Variants in C3orf52 observed in about 807,000 individuals in gnomAD.
C3orf52 encodes TPA-induced transmembrane protein.
Under a neutral mutation model 24.8 loss-of-function variants are expected in C3orf52, and 22 were observed. That is an observed-to-expected ratio of 0.89 (90% CI 0.63 to 1.27). C3orf52 has a LOEUF of 1.27. Among genes scored for constraint, C3orf52 ranks in the 50% most tolerant of loss-of-function variants. The pLI, the probability that C3orf52 is intolerant of heterozygous loss-of-function variation, is 0.00. For missense variants in C3orf52, 265 were observed against 260.7 expected, an observed-to-expected ratio of 1.02 and a Z score of -0.11; for synonymous variants, 93 against 100.2, an observed-to-expected ratio of 0.93 and a Z score of 0.43.
At chr3:112,098,066 G>T (rs777419496) in intron 2 of C3orf52, among the ~76,000 whole-genome samples, 1 of 152,164 alleles carries the variant, frequency 6.6e-6, no homozygotes, top group Non-Finnish European at 1.5e-5. Flanking sequence ...CTTCCATCAG[G>T]ATTCTTGCTA....
intron 5 of C3orf52, among the ~76,000 whole-genome samples, chr3:112,113,473 C>G (rs2107789467): frequency 6.6e-6 from 1 of 152,286 alleles, no homozygotes; most frequent in East Asian, 1.9e-4. Context: ...TACTTTACAA[C>G]ATGATTAGCA....
At chr3:112,110,390 C>T (rs1006565991) in intron 4 of C3orf52, among the ~76,000 whole-genome samples, 3 of 151,764 alleles carry the variant, frequency 2.0e-5, no homozygotes, top group African/African-American at 7.3e-5. Context: ...CAGGAAAAGT[C>T]TCCCTTCTGC....
chr3:112,086,440 C>T lies in C3orf52; in HGVS notation c.33C>T (p.Asp11=). The change falls in exon 1 of 6, where the codon GAC becomes GAT. Residue 11 remains aspartate, a synonymous_variant. Transcript: ENST00000264848. ...TGGCCCAACCCTCACAGCCAGTAGA[C>T]GAGCTGGAGCTCTCGGTGCTCGAGC... MDLAQPSQPV[D]ELELSVLERQ... is the part of the protein sequence containing the mutation. The T allele has an allele frequency of 1.3e-6, 2 of 1,551,092 alleles. No homozygotes were observed. The highest frequency in any genetic ancestry group is 1.7e-6 in the Non-Finnish European group (2 of 1,146,630).
At chr3:112,098,366 T>C (rs930058385) in intron 2 of C3orf52, among the ~76,000 whole-genome samples, 4 of 152,214 alleles carry the variant, frequency 2.6e-5, no homozygotes, top group African/African-American at 9.6e-5. Flanking sequence ...GGCATCTGCA[T>C]TGTGGGTTCA....
At chr3:112,101,254 T>A (rs1216510168) in intron 2 of C3orf52, among the ~76,000 whole-genome samples, 1 of 152,196 alleles carries the variant, frequency 6.6e-6, no homozygotes, top group Non-Finnish European at 1.5e-5. Flanking sequence ...ATCAAATGAT[T>A]AATTACAGCA....
chr3:112,098,604 A>T (rs1218153707), intron 2 of C3orf52, among the ~76,000 whole-genome samples: 1 of 152,174 alleles, frequency 6.6e-6, no homozygotes, highest in East Asian at 1.9e-4. Flanking sequence ...TTTGTATGCT[A>T]TTTTAGTCTG....
chr3:112,128,837 G>A (rs56129827), downstream of C3orf52: 28,818 of 152,356 alleles, frequency 0.19, 3,045 homozygotes, highest in Middle Eastern at 0.26. Context: ...TGAATTTGAG[G>A]CATAGTCAAC....
rs764011409 is a variant in C3orf52 at position 112,093,368 on chromosome 3, G to A, written c.147G>A (p.Lys49=). 62 of 1,613,632 alleles carry A rather than the reference G, an allele frequency of 3.8e-5. No individual in the cohort carries two copies. Among genetic ancestry groups the A allele is most frequent in the Non-Finnish European group, 6.8e-6 (8 of 1,179,788 alleles). ...TCCCTCTGCCTTTCTAGGCTAACAA[G>A]GAAAGCCCCTGGAGCTCCTGTAATA... ...DEEVPPAEAN[K]ESPWSSCNKN... The change falls in exon 2 of 6, where the codon AAG becomes AAA. Residue 49 remains lysine, a synonymous_variant. Coordinates refer to ENST00000264848, the MANE Select transcript of C3orf52 (RefSeq NM_024616.3).
In C3orf52 at chr3:112,100,194, C is replaced by T. The variant is rs568963298; in HGVS notation, c.269-2644C>T. On this transcript the variant is annotated intron_variant, in intron 2 of 5. Coordinates refer to ENST00000264848, the MANE Select transcript of C3orf52 (RefSeq NM_024616.3). ...CCACCCGATTAACCTCCATTAAACA[C>T]CAGCCTCTACTTTCTTCGTGGGCGA... Among the ~76,000 whole-genome samples the T allele has an allele frequency of 2.3e-3, 355 of 152,330 alleles. 1 individual carries two copies. The highest frequency in any genetic ancestry group is 0.014 in the Middle Eastern group (4 of 294).
chr3:112,134,974 A>T (rs965314855), downstream of C3orf52: 1 of 154,956 alleles, frequency 6.5e-6, no homozygotes, highest in African/African-American at 2.4e-5. Context: ...AAGGTGGGGG[A>T]GGTGTTGACT....
intron 2 of C3orf52, among the ~76,000 whole-genome samples, chr3:112,097,126 C>T (rs951862959): frequency 6.6e-6 from 1 of 152,138 alleles, no homozygotes; most frequent in African/African-American, 2.4e-5. Flanking sequence ...TTGAAAGGTA[C>T]AGAAACAAAA....
intron 3 of C3orf52, 103 bp from the exon 4 acceptor site, chr3:112,109,440 G>A: frequency 1.8e-6 from 1 of 565,160 alleles, no homozygotes; most frequent in African/African-American, 1.9e-5. Flanking sequence ...TTCCAGGCTG[G>A]AGTGGAATCT....
chr3:112,116,595 T>C (rs1025089277), intron 5 of C3orf52, 47 bp from the exon 6 acceptor site: 1 of 1,448,106 alleles, frequency 6.9e-7, no homozygotes, highest in Non-Finnish European at 9.3e-7. Context: ...CATTTAATAG[T>C]GGTTTTAAAA....
intron 3 of C3orf52, among the ~76,000 whole-genome samples, chr3:112,105,391 G>C (rs140521830): frequency 1.3e-5 from 2 of 152,334 alleles, no homozygotes; most frequent in East Asian, 1.9e-4. Context: ...AGGTATTGCT[G>C]TCTTATTGTC....
chr3:112,123,894 T>C, intron 4 of C3orf52: 1 of 1,028,942 alleles, frequency 9.7e-7, no homozygotes, highest in Non-Finnish European at 1.4e-6. Context: ...CCTCCCCATC[T>C]CTTGGCCATT....
intron 2 of C3orf52, among the ~76,000 whole-genome samples, chr3:112,094,116 T>C (rs1461058793): frequency 6.6e-6 from 1 of 152,168 alleles, no homozygotes; most frequent in Non-Finnish European, 1.5e-5. Flanking sequence ...TGCCTCAGCC[T>C]CCGAAATAGC....
intron 1 of C3orf52, among the ~76,000 whole-genome samples, chr3:112,089,520 A>G (rs1318996409): frequency 3.1e-5 from 4 of 127,366 alleles, no homozygotes; most frequent in Non-Finnish European, 5.1e-5. Context: ...CAAGAGTGAA[A>G]CTTCGTCTCA....
chr3:112,123,611 C>G (rs1331769284), intron 4 of C3orf52: 3 of 1,614,138 alleles, frequency 1.9e-6, no homozygotes, highest in Non-Finnish European at 2.5e-6. Flanking sequence ...GAAGTGAATA[C>G]TCAGTCTCAG....
At position 112,118,084 on chromosome 3, in the gene C3orf52, C is replaced by G. The variant is rs1297344870; in HGVS notation, c.*1438C>G. ...AAACTAGTGAAACTAGTGGATTTCT[C>G]TTCTTCCTCTTTATTTTCTGCATGT... is the stretch of plus-strand genomic sequence containing the variant. On this transcript the variant is annotated 3_prime_UTR_variant, in exon 6 of 6. Coordinates refer to ENST00000264848, the MANE Select transcript of C3orf52 (RefSeq NM_024616.3). The G allele has an allele frequency of 6.6e-6, 1 of 152,194 alleles. No individual in the cohort carries two copies. Among genetic ancestry groups the G allele is most frequent in the African/African-American group, 2.4e-5 (1 of 41,456 alleles). The allele number at this position is 152,194 out of a possible 1,614,324, so 9.4% of individuals were successfully genotyped here. A position where few individuals can be genotyped will look rare whatever the true frequency, so the allele number is the denominator to read the frequency against.
Sources: gnomAD v4.1 joint callset for allele counts (sites outside exome capture counted in the v4.1 genomes callset) on GRCh38, gnomAD v4.1.1 for gene constraint, MANE v1.5 for transcripts, NCBI Gene and HGNC (gene_info 2026-07-23, HGNC 2026-07-21) for gene names.